LBR: variants seen among roughly 807,000 people sequenced by gnomAD.
LBR encodes the protein delta(14)-sterol reductase LBR.
A neutral mutation model predicts 74.3 loss-of-function variants in LBR; 28 were observed. The ratio of observed to expected loss-of-function variants is 0.38; its 90% CI spans 0.28 to 0.52. The LOEUF is 0.52. LBR is among the 20% of genes least tolerant of loss of function. The pLI, the probability that LBR is intolerant of heterozygous loss-of-function variation, is 0.89. For synonymous variants in LBR, 228 were observed against 269.3 expected, an observed-to-expected ratio of 0.85 and a Z score of 1.50; for missense variants, 717 against 760.3, an observed-to-expected ratio of 0.94 and a Z score of 0.67.
rs1575230183 is a variant in LBR at position 225,422,166 on chromosome 1, T to C, written c.277A>G (p.Ser93Gly). 1 of 1,614,030 alleles carries C rather than the reference T, an allele frequency of 6.2e-7. No homozygotes were observed. Among genetic ancestry groups the C allele is most frequent in the Non-Finnish European group, 8.5e-7 (1 of 1,180,020 alleles). Residue 93 changes from serine to glycine, a missense_variant, in exon 3 of 14, where the codon AGT becomes GGT. By Grantham distance (56) the Ser-to-Gly change is moderately conservative. Transcript: ENST00000272163. ...RSRSPGRPPK[S>G]ARRSASASHQ... The stretch of plus-strand genomic sequence containing the variant: ...GAAGCAGAAGCAGATCGGCGGGCAC[T>C]TTTAGGTGGTCGACCAGGGGATCGG...
At chr1:225,410,192 G>A (rs1325771137) in intron 10 of LBR, 99 bp downstream of exon 10, 2 of 1,571,744 alleles carry the variant, frequency 1.3e-6, no homozygotes. Context: ...GGCAGGCCAT[G>A]CTCCCCTCAC....
At chr1:225,422,719 G>A (rs964235767) in intron 2 of LBR, among the ~76,000 whole-genome samples, 4 of 151,784 alleles carry the variant, frequency 2.6e-5, no homozygotes, top group African/African-American at 9.7e-5. Context: ...TTGGATGACT[G>A]GGAACTGTTT....
rs1335741387 is a variant in LBR at position 225,404,619 on chromosome 1, T to G, written c.1564+7A>C. The G allele has an allele frequency of 6.2e-7, 1 of 1,602,340 alleles. No individual in the cohort carries two copies. The highest frequency in any genetic ancestry group is 8.5e-7 in the Non-Finnish European group (1 of 1,171,076). On this transcript the variant is annotated splice_region_variant and intron_variant, in intron 12 of 13. Transcript: ENST00000272163. ...TATATATAATATAAACATAAATCAA[T>G]ACTTACGTGCAAGCTTTGGATCACT...
chr1:225,412,506 GAGAT>G lies in LBR; in HGVS notation c.1028_1031del (p.Tyr343SerfsTer6). The G allele has an allele frequency of 6.2e-7, 1 of 1,614,142 alleles. No homozygotes were observed. The highest frequency in any genetic ancestry group is 8.5e-7 in the Non-Finnish European group (1 of 1,180,042). ...GGGGCGCTTTCAAAGAGCGCATGTAGAGATACACACTCAAGACCACACAAAAAAC... is the reference window on the plus strand; with the variant it reads ...GGGGCGCTTTCAAAGAGCGCATGTAGACACACTCAAGACCACACAAAAAAC... On this transcript the variant is annotated frameshift_variant, in exon 8 of 14. Transcript: ENST00000272163. LOFTEE classifies it high-confidence loss of function.
chr1:225,411,943 G>A (rs1254693590), intron 8 of LBR, among the ~76,000 whole-genome samples: 1 of 152,174 alleles, frequency 6.6e-6, no homozygotes, highest in Non-Finnish European at 1.5e-5. Flanking sequence ...CCGAGTAGAT[G>A]GGATTATAGG....
intron 2 of LBR, 98 bp from the exon 3 acceptor site, chr1:225,422,375 C>T: frequency 1.1e-6 from 1 of 933,428 alleles, no homozygotes; most frequent in Non-Finnish European, 1.7e-6. Context: ...GAACTGCTAC[C>T]ATTAACTCTA....
chr1:225,423,903 G>C lies in LBR; in HGVS notation c.165+8C>G. 6.2e-7 allele frequency: 1 copy of C among 1,611,060 alleles called. No individual in the cohort carries two copies. Among genetic ancestry groups the C allele is most frequent in the Non-Finnish European group, 8.5e-7 (1 of 1,177,312 alleles). ...AAACACACTCTGATAAACCAAAGGA[G>C]CTCTTACCTTAATATCATTCTCTTT... is the stretch of plus-strand genomic sequence containing the variant. On this transcript the variant is annotated splice_region_variant and intron_variant, in intron 2 of 13. Coordinates refer to ENST00000272163, the MANE Select transcript of LBR (RefSeq NM_002296.4).
chr1:225,415,346 A>C lies in LBR; in HGVS notation c.838-14T>G. On this transcript the variant is annotated splice_polypyrimidine_tract_variant and intron_variant, in intron 6 of 13. Coordinates refer to ENST00000272163, the MANE Select transcript of LBR (RefSeq NM_002296.4). ...TCCTTCTACAACCTTAAAAGAAAAA[A>C]AATTTACAAATTTACTAAGCACATC... is the stretch of plus-strand genomic sequence containing the variant. 1.4e-6 allele frequency: 2 copies of C among 1,393,100 alleles called. No homozygotes were observed. The highest frequency in any genetic ancestry group is 1.7e-5 in the Admixed American group (1 of 57,706). The allele number at this position is 1,393,100 out of a possible 1,614,324, so 86.3% of individuals were successfully genotyped here. A position where few individuals can be genotyped will look rare whatever the true frequency, so the allele number is the denominator to read the frequency against.
chr1:225,422,400 A>G, intron 2 of LBR, 123 bp from the exon 3 acceptor site: 1 of 787,578 alleles, frequency 1.3e-6, no homozygotes, highest in Admixed American at 2.0e-5. Context: ...CAGCACGGGA[A>G]ATGTTAGGAT....
At chr1:225,410,210 G>A in intron 10 of LBR, 81 bp downstream of exon 10, 2 of 1,599,210 alleles carry the variant, frequency 1.3e-6, no homozygotes, top group Non-Finnish European at 8.5e-7. Flanking sequence ...CACTTTGTGT[G>A]CAAGAAGCCG....
intron 7 of LBR, among the ~76,000 whole-genome samples, chr1:225,414,558 C>T (rs1290466773): frequency 1.3e-5 from 2 of 152,160 alleles, no homozygotes; most frequent in African/African-American, 4.8e-5. Flanking sequence ...CCACAGGGAG[C>T]AAGGTCTATC....
At chr1:225,408,995 T>C (rs1188437653) in intron 10 of LBR, among the ~76,000 whole-genome samples, 2 of 152,230 alleles carry the variant, frequency 1.3e-5, no homozygotes, top group Non-Finnish European at 1.5e-5. Context: ...AGCACAACTG[T>C]GAAATATCAT....
rs1421414356 is a variant in LBR, at chr1:225,422,021, G to A, written c.366+56C>T. ...ATATTATTAACTGCAAGTAACTTGA[G>A]TAAATATATACATAAAGCGGAAGAC... On this transcript the variant is annotated intron_variant, in intron 3 of 13. Transcript: ENST00000272163. 2.0e-6 allele frequency: 3 copies of A among 1,515,804 alleles called. No homozygotes were observed. The African/African-American group carries it at 4.1e-5, about 21-fold the overall frequency. 93.9% of individuals were successfully genotyped at this position (1,515,804 alleles called of 1,614,324 possible). A position where few individuals can be genotyped will look rare whatever the true frequency, so the allele number is the denominator to read the frequency against.
At chr1:225,404,323 C>T (rs2096086991) in intron 13 of LBR, 81 bp downstream of exon 13, 1 of 1,595,554 alleles carries the variant, frequency 6.3e-7, no homozygotes, top group Admixed American at 1.7e-5. Context: ...ACCTTGGCCA[C>T]ACTGTCCCAC....
At chr1:225,420,034 A>C (rs1558656736) in intron 3 of LBR, among the ~76,000 whole-genome samples, 3 of 152,206 alleles carry the variant, frequency 2.0e-5, no homozygotes, top group Non-Finnish European at 2.9e-5. Flanking sequence ...CTGGCCAGGC[A>C]CGGTGGCTCA....
At chr1:225,403,934 T>C (rs1398439961) in intron 13 of LBR, among the ~76,000 whole-genome samples, 2 of 117,882 alleles carry the variant, frequency 1.7e-5, no homozygotes. Flanking sequence ...CTCCCCTGGC[T>C]CCACCAGTAC....
intron 9 of LBR, 76 bp downstream of exon 9, chr1:225,411,261 G>T (rs1488441254): frequency 1.9e-6 from 2 of 1,040,128 alleles, no homozygotes; most frequent in Admixed American, 1.7e-5. Flanking sequence ...GCTTATTTTT[G>T]AATGGTCTAC....
intron 11 of LBR, chr1:225,406,438 C>G (rs2096091734): frequency 4.8e-6 from 2 of 413,498 alleles, no homozygotes; most frequent in Non-Finnish European, 8.6e-6. Flanking sequence ...AATTTAAAAG[C>G]AAGATGGTTT....
At chr1:225,404,354 T>C (rs745926928) in intron 13 of LBR, 50 bp downstream of exon 13, 129 of 1,611,886 alleles carry the variant, frequency 8.0e-5, no homozygotes, top group Non-Finnish European at 1.1e-4. Context: ...CACACACACA[T>C]CTTTCTGGCG....
Sources: gnomAD v4.1 joint callset for allele counts (sites outside exome capture counted in the v4.1 genomes callset) on GRCh38, gnomAD v4.1.1 for gene constraint, MANE v1.5 for transcripts, NCBI Gene and HGNC (gene_info 2026-07-23, HGNC 2026-07-21) for gene names.